GPR149: variants seen among roughly 807,000 people sequenced by gnomAD.
The protein encoded by GPR149 is probable G protein-coupled receptor 149.
GPR149 carries 50 observed loss-of-function variants against 50.2 expected under a neutral mutation model. That is an observed-to-expected ratio of 1.00 (90% confidence interval 0.79 to 1.26). The LOEUF (loss-of-function observed/expected upper bound fraction) is 1.26, where lower values mean the gene tolerates loss of function less well. Among genes scored for constraint, GPR149 ranks in the 50% most tolerant of loss-of-function variants. The pLI, the probability that GPR149 is intolerant of heterozygous loss-of-function variation, is 0.00. For missense variants in GPR149, 983 were observed against 895.4 expected (o/e 1.10, Z -1.25); for synonymous variants, 405 against 358.2 (o/e 1.13, Z -1.48).
intron 3 of GPR149, among the ~76,000 whole-genome samples, chr3:154,418,725 T>TTAG (rs1052288240): frequency 1.4e-4 from 21 of 146,900 alleles, no homozygotes; most frequent in Admixed American, 4.1e-4. Flanking sequence ...AGATGACGAG[T>TTAG]TAGTGGGTGC....
intron 3 of GPR149, among the ~76,000 whole-genome samples, chr3:154,369,035 G>T (rs1017296590): frequency 1.3e-5 from 2 of 152,208 alleles, no homozygotes; most frequent in African/African-American, 4.8e-5. Context: ...GGTTAAATCC[G>T]GTACATGGAG....
At chr3:154,417,685 A>T (rs1712026141) in intron 3 of GPR149, among the ~76,000 whole-genome samples, 2 of 152,106 alleles carry the variant, frequency 1.3e-5, no homozygotes, top group South Asian at 4.1e-4. Context: ...AGTTTAATGC[A>T]TCACTATATA....
At chr3:154,351,313 CAAAAAAAAAA>C (rs71155003) in intron 3 of GPR149, among the ~76,000 whole-genome samples, 39 of 75,562 alleles carry the variant, frequency 5.2e-4, no homozygotes, top group African/African-American at 1.8e-3. Flanking sequence ...CATCCACATA[CAAAAAAAAAA>C]AAAAAAAAAA....
chr3:154,377,523 T>C (rs111667912), intron 3 of GPR149, among the ~76,000 whole-genome samples: 6,445 of 151,968 alleles, frequency 0.042, 435 homozygotes, highest in African/African-American at 0.14. Flanking sequence ...TGCGCCACCA[T>C]GCCTAGCTAA....
intron 3 of GPR149, among the ~76,000 whole-genome samples, chr3:154,391,310 G>A (rs1715163854): frequency 1.3e-5 from 2 of 151,632 alleles, no homozygotes; most frequent in Admixed American, 6.6e-5. Flanking sequence ...ACGTGTGTGG[G>A]GGGTTTGTGG....
intron 3 of GPR149, among the ~76,000 whole-genome samples, chr3:154,394,829 C>T (rs1715253698): frequency 6.6e-6 from 1 of 152,102 alleles, no homozygotes; most frequent in Admixed American, 6.5e-5. Flanking sequence ...TGCTCAACAT[C>T]ACTAGTCATC....
chr3:154,392,387 C>G (rs989354073), intron 3 of GPR149, among the ~76,000 whole-genome samples: 44 of 143,908 alleles, frequency 3.1e-4, no homozygotes, highest in African/African-American at 1.1e-3. Flanking sequence ...AACAAAAAAA[C>G]CCAAACAAAA....
At chr3:154,382,547 C>T (rs560046462) in intron 3 of GPR149, among the ~76,000 whole-genome samples, 4 of 152,258 alleles carry the variant, frequency 2.6e-5, no homozygotes, top group African/African-American at 7.2e-5. Context: ...TTTCAATTAT[C>T]AAAATATCAT....
chr3:154,363,633 G>A (rs1395553562), intron 3 of GPR149, among the ~76,000 whole-genome samples: 1 of 152,126 alleles, frequency 6.6e-6, no homozygotes, highest in African/African-American at 2.4e-5. Context: ...TTCAAGCCAA[G>A]GGCAGTCTAA....
chr3:154,353,131 C>T (rs1714124874), intron 3 of GPR149: 3 of 1,500,494 alleles, frequency 2.0e-6, no homozygotes, highest in East Asian at 2.3e-5. Context: ...ATTTCAGTTA[C>T]ATTCTTCCTG....
chr3:154,345,170 C>T (rs1472445619), intron 3 of GPR149, among the ~76,000 whole-genome samples: 2 of 152,156 alleles, frequency 1.3e-5, no homozygotes, highest in Non-Finnish European at 2.9e-5. Context: ...CATAAATTGG[C>T]AACACTGACC....
intron 3 of GPR149, among the ~76,000 whole-genome samples, chr3:154,420,647 A>C (rs2108429050): frequency 6.6e-6 from 1 of 152,102 alleles, no homozygotes; most frequent in South Asian, 2.1e-4. Context: ...TACATGAAAA[A>C]ATAAAACTTC....
At chr3:154,408,825 C>CT (rs1322184552) in intron 3 of GPR149, among the ~76,000 whole-genome samples, 2 of 152,206 alleles carry the variant, frequency 1.3e-5, no homozygotes, top group Non-Finnish European at 2.9e-5. Context: ...AACCTGAATA[C>CT]TTAACCAGGT....
chr3:154,416,158 T>C (rs1195646379), intron 3 of GPR149, among the ~76,000 whole-genome samples: 3 of 151,870 alleles, frequency 2.0e-5, no homozygotes, highest in Non-Finnish European at 4.4e-5. Context: ...AAGATACCCG[T>C]ATTGAGTATT....
Position 154,338,193 on chromosome 3 carries a change from G to A in GPR149, c.1702C>T (p.Leu568=). 1 of 1,614,088 alleles carries A rather than the reference G, an allele frequency of 6.2e-7. No homozygotes were observed. Among genetic ancestry groups the A allele is most frequent in the Non-Finnish European group, 8.5e-7 (1 of 1,179,988 alleles). The change falls in exon 4 of 4, where the codon CTA becomes TTA. Residue 568 remains leucine (L), a synonymous_variant. Coordinates refer to ENST00000389740, the MANE Select transcript of GPR149 (RefSeq NM_001038705.3). ...CTTACCTCATAGGTAGAAAGAGATA[G>A]GGTTTTCCCTGTAGGTGCATGGAGA... is the stretch of plus-strand genomic sequence containing the variant. ...VSLHAPTGKT[L]SLSTYEVSAE...
chr3:154,350,856 T>C (rs1233157748), intron 3 of GPR149, among the ~76,000 whole-genome samples: 1 of 152,174 alleles, frequency 6.6e-6, no homozygotes, highest in African/African-American at 2.4e-5. Flanking sequence ...AGTATGTGTA[T>C]ATAATCTGTG....
At chr3:154,350,484 T>G (rs888740373) in intron 3 of GPR149, among the ~76,000 whole-genome samples, 6 of 152,182 alleles carry the variant, frequency 3.9e-5, no homozygotes, top group African/African-American at 1.4e-4. Context: ...GTAAATCTTA[T>G]GAAACATGTA....
At chr3:154,346,670 G>A (rs1021678702) in intron 3 of GPR149, among the ~76,000 whole-genome samples, 13 of 151,722 alleles carry the variant, frequency 8.6e-5, no homozygotes, top group African/African-American at 2.9e-4. Context: ...CACAATCTTG[G>A]CTCACTGCAA....
intron 3 of GPR149, among the ~76,000 whole-genome samples, chr3:154,374,885 C>T (rs1714756096): frequency 6.6e-6 from 1 of 152,190 alleles, no homozygotes; most frequent in South Asian, 2.1e-4. Context: ...TTCTAACAGA[C>T]TGCTATTACA....
Sources: gnomAD v4.1 joint callset for allele counts (sites outside exome capture counted in the v4.1 genomes callset) on GRCh38, gnomAD v4.1.1 for gene constraint, MANE v1.5 for transcripts, NCBI Gene and HGNC (gene_info 2026-07-23, HGNC 2026-07-21) for gene names.